Variants in SF3B3 observed in about 807,000 individuals in gnomAD.
SF3B3 encodes the protein splicing factor 3b subunit 3, also known as SAP 130.
SF3B3 carries 33 observed loss-of-function variants against 139.2 expected under a neutral mutation model. The observed-to-expected ratio is 0.24, with a 90% CI of 0.18 to 0.32. SF3B3 has a LOEUF of 0.32. SF3B3 is among the 10% of genes least tolerant of loss of function. The pLI, the probability that SF3B3 is intolerant of heterozygous loss-of-function variation, is 1.00. For missense variants in SF3B3, 818 were observed against 1,509.4 expected (o/e 0.54, Z 7.59); for synonymous variants, 596 against 563.6 (o/e 1.06, Z -0.81).
intron 16 of SF3B3, 32 bp downstream of exon 16, chr16:70,560,623 C>CTTTGGGATT: frequency 6.2e-7 from 1 of 1,609,202 alleles, no homozygotes; most frequent in Non-Finnish European, 8.5e-7. Context: ...CAGGCAACAT[C>CTTTGGGATT]TTTGGGATTT....
In SF3B3 at chr16:70,563,681, A is replaced by G. The variant is rs2151792919; in HGVS notation, c.2289-195A>G. On this transcript the variant is annotated intron_variant, in intron 17 of 25. Transcript: ENST00000302516. ...GTGAATTGTGGTAGGGTGTTGCCAA[A>G]TGGGAAGGCCCTTCCTGGATCTCTG... is the stretch of plus-strand genomic sequence containing the variant. The G allele has an allele frequency of 5.4e-6, 3 of 551,926 alleles. No homozygotes were observed. The East Asian group carries it at 8.9e-5, about 16-fold the overall frequency. 34.2% of individuals were successfully genotyped at this position (551,926 alleles called of 1,614,324 possible).
In SF3B3 at chr16:70,573,404, T is replaced by A. The variant is rs1339066854; in HGVS notation, c.*1591T>A. On this transcript the variant is annotated 3_prime_UTR_variant, in exon 26 of 26. Transcript: ENST00000302516. ...GCCTCTTTTCTAACTCAAGTTTGACTAAAATACATACACTCCGTACAGAAG... is the reference window on the plus strand; with the variant it reads ...GCCTCTTTTCTAACTCAAGTTTGACAAAAATACATACACTCCGTACAGAAG... 6.6e-6 allele frequency: 1 copy of A among 152,174 alleles called. No individual in the cohort carries two copies. Among genetic ancestry groups the A allele is most frequent in the East Asian group, 1.9e-4 (1 of 5,198 alleles). 9.4% of individuals were successfully genotyped at this position (152,174 alleles called of 1,614,324 possible).
intron 18 of SF3B3, 69 bp from the exon 19 acceptor site, chr16:70,564,995 AC>A (rs2050462172): frequency 6.9e-7 from 1 of 1,441,546 alleles, no homozygotes; most frequent in Non-Finnish European, 9.8e-7. Flanking sequence ...TGTTCTTGCT[AC>A]CTATCCTCTT....
intron 9 of SF3B3, among the ~76,000 whole-genome samples, chr16:70,543,540 T>C (rs2050239986): frequency 6.6e-6 from 1 of 151,950 alleles, no homozygotes; most frequent in African/African-American, 2.4e-5. Context: ...AAACCCCGTC[T>C]CTACTAAAAA....
Position 70,565,265 on chromosome 16 carries a change from T to G in SF3B3, c.2664T>G (p.Ala888=), listed in dbSNP as rs1597723231. ...TCCAGCTGGAACAGAATGAGGCAGC[T>G]TTTAGGTAAGCAGCCCAGGACAGTC... ...DLVQLEQNEA[A]FSVAVCRFSN... is the part of the protein sequence containing the mutation. The change falls in exon 19 of 26, where the codon GCT becomes GCG. Residue 888 remains alanine, a synonymous_variant. Coordinates refer to ENST00000302516, the MANE Select transcript of SF3B3 (RefSeq NM_012426.5). 6.2e-7 allele frequency: 1 copy of G among 1,614,150 alleles called. No individual in the cohort carries two copies. Among genetic ancestry groups the G allele is most frequent in the Non-Finnish European group, 8.5e-7 (1 of 1,180,030 alleles).
intron 15 of SF3B3, 132 bp downstream of exon 15, chr16:70,557,161 C>A: frequency 1.1e-6 from 1 of 910,974 alleles, no homozygotes; most frequent in Non-Finnish European, 1.6e-6. Flanking sequence ...AACAGTGTCA[C>A]TCTGGGTTCC....
intron 11 of SF3B3, among the ~76,000 whole-genome samples, chr16:70,549,127 C>G (rs1177726588): frequency 6.6e-6 from 1 of 152,196 alleles, no homozygotes; most frequent in African/African-American, 2.4e-5. Flanking sequence ...TCCCTTGATT[C>G]ACATTGGAGC....
rs1384773329 is a variant in SF3B3, at chr16:70,571,984, C to T, written c.*171C>T. On this transcript the variant is annotated 3_prime_UTR_variant, in exon 26 of 26. Transcript: ENST00000302516. ...GCTCTTCTCCTGGAATGACTGGCTTCCCCTCAAATTGGCACTGAGATTTGC... is the reference window on the plus strand; with the variant it reads ...GCTCTTCTCCTGGAATGACTGGCTTTCCCTCAAATTGGCACTGAGATTTGC... 2 of 812,600 alleles carry T rather than the reference C, an allele frequency of 2.5e-6. No homozygotes were observed. Among genetic ancestry groups the T allele is most frequent in the Non-Finnish European group, 3.9e-6 (2 of 507,288 alleles). 50.3% of individuals were successfully genotyped at this position (812,600 alleles called of 1,614,324 possible). A position where few individuals can be genotyped will look rare whatever the true frequency, so the allele number is the denominator to read the frequency against.
At chr16:70,533,615 TAC>T (rs2050141126) in intron 5 of SF3B3, among the ~76,000 whole-genome samples, 1 of 152,110 alleles carries the variant, frequency 6.6e-6, no homozygotes, top group African/African-American at 2.4e-5. Flanking sequence ...CATTGGAAAA[TAC>T]ACGTTACTAA....
At chr16:70,529,755 G>C (rs1290230427) in intron 3 of SF3B3, among the ~76,000 whole-genome samples, 1 of 152,158 alleles carries the variant, frequency 6.6e-6, no homozygotes, top group Non-Finnish European at 1.5e-5. Flanking sequence ...CCACAATGAT[G>C]CCATTGTCTT....
intron 11 of SF3B3, among the ~76,000 whole-genome samples, chr16:70,549,077 T>C (rs1005184123): frequency 6.6e-6 from 1 of 152,202 alleles, no homozygotes; most frequent in Non-Finnish European, 1.5e-5. Context: ...CTTGTGACAA[T>C]TGAATTGCAG....
intron 17 of SF3B3, among the ~76,000 whole-genome samples, chr16:70,562,742 C>G (rs2050441032): frequency 6.6e-6 from 1 of 152,200 alleles, no homozygotes; most frequent in Admixed American, 6.5e-5. Context: ...CTTACTTCCC[C>G]CCAAAACTAA....
chr16:70,569,142 G>T lies in SF3B3; in HGVS notation c.3264+1G>T. On this transcript the variant is annotated splice_donor_variant, in intron 23 of 25. Coordinates refer to ENST00000302516, the MANE Select transcript of SF3B3 (RefSeq NM_012426.5). LOFTEE classifies it high-confidence loss of function. ...CTTGCTCAATGGGGCCTCCCAGAAG[G>T]TAAGATTGCAGAATGGGCCCCAGGG... The T allele has an allele frequency of 6.2e-7, 1 of 1,604,102 alleles. No homozygotes were observed. Among genetic ancestry groups the T allele is most frequent in the Admixed American group, 1.7e-5 (1 of 59,160 alleles).
At chr16:70,543,238 T>C (rs2050236365) in intron 9 of SF3B3, among the ~76,000 whole-genome samples, 2 of 151,016 alleles carry the variant, frequency 1.3e-5, no homozygotes, top group Admixed American at 1.3e-4. Flanking sequence ...AGAAACCCTG[T>C]CTCTACTAAA....
At position 70,537,884 on chromosome 16, in the gene SF3B3, G is replaced by A. The variant is rs781594052; in HGVS notation, c.826-439G>A. ...AGCCCAGGAGTTAGAGACCAGTCTG[G>A]GCAACATAGTGAGACCTTGTCTTTA... On this transcript the variant is annotated intron_variant, in intron 6 of 25. Coordinates refer to ENST00000302516, the MANE Select transcript of SF3B3 (RefSeq NM_012426.5). 5 of 384,832 alleles carry A rather than the reference G, an allele frequency of 1.3e-5. 1 individual carries two copies. Among genetic ancestry groups the A allele is most frequent in the South Asian group, 5.9e-5 (3 of 51,104 alleles). 23.8% of individuals were successfully genotyped at this position (384,832 alleles called of 1,614,324 possible).
rs534588534 is a variant in SF3B3 at position 70,576,502 on chromosome 16, T to C, written c.*4689T>C. 1 of 152,312 alleles carries C rather than the reference T, an allele frequency of 6.6e-6. No individual in the cohort carries two copies. The highest frequency in any genetic ancestry group is 2.4e-5 in the African/African-American group (1 of 41,570). 9.4% of individuals were successfully genotyped at this position (152,312 alleles called of 1,614,324 possible). A position where few individuals can be genotyped will look rare whatever the true frequency, so the allele number is the denominator to read the frequency against. ...CTTTCAGTTGGGTCATTTGGTAGCGTTTAGGCTTAGAAGTTACTAATTTGG... is the reference window on the plus strand; with the variant it reads ...CTTTCAGTTGGGTCATTTGGTAGCGCTTAGGCTTAGAAGTTACTAATTTGG... On this transcript the variant is annotated 3_prime_UTR_variant, in exon 26 of 26. Coordinates refer to ENST00000302516, the MANE Select transcript of SF3B3 (RefSeq NM_012426.5).
At chr16:70,555,345 G>A in intron 13 of SF3B3, 139 bp downstream of exon 13, 2 of 747,980 alleles carry the variant, frequency 2.7e-6, no homozygotes, top group Admixed American at 2.3e-5. Context: ...GGGCGTGTTG[G>A]CATGCACCTT....
intron 11 of SF3B3, chr16:70,550,545 A>G (rs556448512): frequency 3.0e-5 from 13 of 427,730 alleles, no homozygotes; most frequent in African/African-American, 2.6e-4. Context: ...TTGAGTGAAC[A>G]TTCCTTCTGC....
intron 8 of SF3B3, among the ~76,000 whole-genome samples, chr16:70,541,431 T>C (rs1001533745): frequency 2.6e-5 from 4 of 152,230 alleles, no homozygotes; most frequent in Non-Finnish European, 5.9e-5. Context: ...TAAAGTCCAG[T>C]TTATCTGTAT....
Sources: allele counts gnomAD v4.1 joint callset (sites outside exome capture counted in the v4.1 genomes callset), GRCh38; gene constraint gnomAD v4.1.1; transcripts MANE v1.5; gene names NCBI Gene and HGNC (gene_info 2026-07-23, HGNC 2026-07-21).